The following PLCB1 variants were observed in gnomAD, a reference collection of about 807,000 sequenced individuals.
The protein encoded by PLCB1 is 1-phosphatidylinositol 4,5-bisphosphate phosphodiesterase beta-1.
A neutral mutation model predicts 161.8 loss-of-function variants in PLCB1; 46 were observed. The observed-to-expected ratio is 0.28, with a 90% CI of 0.22 to 0.36. The LOEUF is 0.36. PLCB1 is among the 10% of genes least tolerant of loss of function. The probability of loss-of-function intolerance (pLI) is 1.00; values close to 1 mark genes in which losing one functional copy is unlikely to be tolerated. For synonymous variants in PLCB1, 517 were observed against 503.7 expected (o/e 1.03, Z -0.35); for missense variants, 1,016 against 1,472.5 (o/e 0.69, Z 5.07).
chr20:8,771,136 G>T (rs763352061), intron 26 of PLCB1, among the ~76,000 whole-genome samples: 3 of 152,070 alleles, frequency 2.0e-5, no homozygotes, highest in Non-Finnish European at 4.4e-5. Flanking sequence ...AATATTGCTC[G>T]TGAGATGTGT....
intron 24 of PLCB1, among the ~76,000 whole-genome samples, chr20:8,758,239 A>G (rs1660918682): frequency 6.6e-6 from 1 of 151,190 alleles, no homozygotes; most frequent in African/African-American, 2.4e-5. Flanking sequence ...TTAAAAAAAA[A>G]AAAACCAATT....
intron 3 of PLCB1, among the ~76,000 whole-genome samples, chr20:8,502,819 A>C (rs1983479675): frequency 6.6e-6 from 1 of 152,122 alleles, no homozygotes; most frequent in Non-Finnish European, 1.5e-5. Flanking sequence ...ACCCCTAGAG[A>C]GGAATAAATT....
intron 10 of PLCB1, among the ~76,000 whole-genome samples, chr20:8,695,414 A>G (rs1320640935): frequency 6.6e-6 from 1 of 152,198 alleles, no homozygotes; most frequent in Non-Finnish European, 1.5e-5. Context: ...TAAAAAAATG[A>G]TGGTAGGCCA....
intron 3 of PLCB1, among the ~76,000 whole-genome samples, chr20:8,458,833 G>A (rs1981443536): frequency 6.6e-6 from 1 of 152,068 alleles, no homozygotes; most frequent in South Asian, 2.1e-4. Flanking sequence ...CTCCAGAAAG[G>A]AAATCATGCA....
chr20:8,396,809 A>G (rs1987782493), intron 3 of PLCB1, among the ~76,000 whole-genome samples: 1 of 152,084 alleles, frequency 6.6e-6, no homozygotes, highest in Non-Finnish European at 1.5e-5. Flanking sequence ...CTAACATGAC[A>G]CTGTAAGCAT....
chr20:8,258,795 T>C (rs1024233554), intron 2 of PLCB1, among the ~76,000 whole-genome samples: 5 of 152,184 alleles, frequency 3.3e-5, no homozygotes, highest in Non-Finnish European at 5.9e-5. Context: ...GGTTTTTTTT[T>C]CTGTTTTTAA....
At chr20:8,748,815 T>G (rs2123540937) in intron 23 of PLCB1, among the ~76,000 whole-genome samples, 1 of 152,356 alleles carries the variant, frequency 6.6e-6, no homozygotes, top group East Asian at 1.9e-4. Flanking sequence ...AGATTATAGC[T>G]GTTCTTGCCA....
intron 2 of PLCB1, among the ~76,000 whole-genome samples, chr20:8,290,668 A>G (rs1983346262): frequency 6.6e-6 from 1 of 152,170 alleles, no homozygotes. Flanking sequence ...GGGGATATAG[A>G]CAGAGAACAC....
At chr20:8,619,561 T>G (rs2123192930) in intron 3 of PLCB1, among the ~76,000 whole-genome samples, 1 of 152,266 alleles carries the variant, frequency 6.6e-6, no homozygotes, top group East Asian at 1.9e-4. Context: ...ATGTGATACA[T>G]TAGAGTTTGA....
intron 3 of PLCB1, among the ~76,000 whole-genome samples, chr20:8,395,054 T>A (rs911311199): frequency 8.5e-5 from 13 of 152,134 alleles, no homozygotes; most frequent in African/African-American, 3.1e-4. Flanking sequence ...CTCTCTTTAG[T>A]TGAAATTAGT....
intron 31 of PLCB1, among the ~76,000 whole-genome samples, chr20:8,848,213 G>A (rs2146298356): frequency 6.6e-6 from 1 of 152,300 alleles, no homozygotes; most frequent in African/African-American, 2.4e-5. Context: ...CACAGGACAA[G>A]GTCTGGAAGA....
rs1260263049 is a variant in PLCB1, at chr20:8,708,699, A to C, written c.1197A>C (p.Ala399=). 6.2e-7 allele frequency: 1 copy of C among 1,613,168 alleles called. No individual in the cohort carries two copies. The highest frequency in any genetic ancestry group is 1.3e-5 in the African/African-American group (1 of 74,902). Residue 399 remains alanine, a synonymous_variant, in exon 12 of 32, where the codon GCA becomes GCC. Coordinates refer to ENST00000338037, the MANE Select transcript of PLCB1 (RefSeq NM_015192.4). ...TGATAGAAGCAATTGCGGAGTGTGC[A>C]TTTAAGACTTCACCTTTTCCAATTC... ...KEVIEAIAEC[A]FKTSPFPILL...
chr20:8,853,621 C>A (rs1986963277), intron 31 of PLCB1, among the ~76,000 whole-genome samples: 1 of 152,118 alleles, frequency 6.6e-6, no homozygotes, highest in Non-Finnish European at 1.5e-5. Context: ...CCAGCTTTTG[C>A]CTATTACATG....
At chr20:8,408,115 T>A (rs573684473) in intron 3 of PLCB1, among the ~76,000 whole-genome samples, 47 of 152,188 alleles carry the variant, frequency 3.1e-4, no homozygotes, top group Admixed American at 1.2e-3. Context: ...ATTGGTTGAT[T>A]GACTGTGACA....
chr20:8,300,214 A>C lies in PLCB1; in HGVS notation c.178-71168A>C, dbSNP rs146348385. 5.4e-3 allele frequency among the ~76,000 whole-genome samples: 825 copies of C among 152,328 alleles called. 5 individuals are homozygous for C. Among genetic ancestry groups the C allele is most frequent in the African/African-American group, 0.018 (750 of 41,570 alleles). On this transcript the variant is annotated intron_variant, in intron 2 of 31. Transcript: ENST00000338037. Reference sequence around the variant, plus strand: ...GTGGGAATGACAGAGGCACAACAGCACAAGTAGAGATATCAAGTACGAGTA... The same window carrying C: ...GTGGGAATGACAGAGGCACAACAGCCCAAGTAGAGATATCAAGTACGAGTA...
intron 4 of PLCB1, among the ~76,000 whole-genome samples, chr20:8,637,691 G>A (rs996654615): frequency 3.3e-5 from 5 of 152,146 alleles, no homozygotes; most frequent in East Asian, 1.9e-4. Context: ...TGTTCCCTTC[G>A]GAAAGCCATG....
At chr20:8,879,327 A>C (rs915890471) in intron 31 of PLCB1, among the ~76,000 whole-genome samples, 1 of 151,658 alleles carries the variant, frequency 6.6e-6, no homozygotes, top group Non-Finnish European at 1.5e-5. Flanking sequence ...CATTTAAACT[A>C]GATCCATAAT....
At chr20:8,506,897 A>G (rs1055058882) in intron 3 of PLCB1, among the ~76,000 whole-genome samples, 5 of 152,190 alleles carry the variant, frequency 3.3e-5, no homozygotes, top group African/African-American at 1.2e-4. Flanking sequence ...ATAAAACTAT[A>G]GTAGAACCTT....
chr20:8,159,469 C>G (rs1470995411), intron 2 of PLCB1, among the ~76,000 whole-genome samples: 1 of 152,140 alleles, frequency 6.6e-6, no homozygotes, highest in East Asian at 1.9e-4. Context: ...ATCTGACATG[C>G]CCTGGAGCCA....
Sources: allele counts gnomAD v4.1 joint callset (sites outside exome capture counted in the v4.1 genomes callset), GRCh38; gene constraint gnomAD v4.1.1; transcripts MANE v1.5; gene names NCBI Gene and HGNC (gene_info 2026-07-23, HGNC 2026-07-21).